Variants in RAB3C observed in about 807,000 individuals in gnomAD.
RAB3C encodes RAB3C, member RAS oncogene family.
In RAB3C, 17 loss-of-function variants were observed where a neutral mutation model predicts 26.4. That is an observed-to-expected ratio of 0.64 (90% CI 0.44 to 0.97). The LOEUF is 0.97. Among genes scored for constraint, RAB3C ranks in the 50% least tolerant of loss-of-function variants. RAB3C has a pLI of 0.00. For synonymous variants in RAB3C, 91 were observed against 95.9 expected (o/e 0.95, Z 0.30); for missense variants, 242 against 281.9 (o/e 0.86, Z 1.01).
chr5:58,806,844 AC>A (rs1260345728), intron 3 of RAB3C, among the ~76,000 whole-genome samples: 6 of 152,140 alleles, frequency 3.9e-5, no homozygotes, highest in Non-Finnish European at 8.8e-5. Flanking sequence ...CAATACTGGT[AC>A]CTTTAGCCTA....
intron 2 of RAB3C, among the ~76,000 whole-genome samples, chr5:58,694,969 C>T (rs902907585): frequency 1.3e-5 from 2 of 152,164 alleles, no homozygotes; most frequent in East Asian, 1.9e-4. Context: ...CTTTTGTCGC[C>T]GTTGCTTTCG....
intron 2 of RAB3C, among the ~76,000 whole-genome samples, chr5:58,621,159 A>T (rs997036335): frequency 6.6e-6 from 1 of 152,202 alleles, no homozygotes. Flanking sequence ...GATCCACATC[A>T]TCTTAGCCTA....
At chr5:58,768,768 G>T (rs1561124450) in intron 3 of RAB3C, among the ~76,000 whole-genome samples, 1 of 151,948 alleles carries the variant, frequency 6.6e-6, no homozygotes. Context: ...AGTAAGTAAG[G>T]GTGTAAATGT....
At chr5:58,766,898 G>T (rs1467424574) in intron 3 of RAB3C, among the ~76,000 whole-genome samples, 4 of 152,206 alleles carry the variant, frequency 2.6e-5, no homozygotes, top group Non-Finnish European at 5.9e-5. Context: ...AAACATACAG[G>T]TGAGGAGTCT....
intron 3 of RAB3C, among the ~76,000 whole-genome samples, chr5:58,782,748 A>C (rs1742298076): frequency 6.6e-6 from 1 of 152,194 alleles, no homozygotes; most frequent in Non-Finnish European, 1.5e-5. Context: ...GGTATGAATC[A>C]GTCAGCACTT....
chr5:58,761,282 T>A (rs1741792831), intron 3 of RAB3C, among the ~76,000 whole-genome samples: 1 of 152,212 alleles, frequency 6.6e-6, no homozygotes, highest in Non-Finnish European at 1.5e-5. Context: ...TGAAGATAAT[T>A]CCCTGAGAAA....
chr5:58,650,072 T>A (rs911389568), intron 2 of RAB3C, among the ~76,000 whole-genome samples: 1 of 152,248 alleles, frequency 6.6e-6, no homozygotes, highest in African/African-American at 2.4e-5. Context: ...ATTTTCAACA[T>A]CTGACCATTA....
At chr5:58,847,622 G>A (rs1042047574) in intron 4 of RAB3C, among the ~76,000 whole-genome samples, 9 of 152,152 alleles carry the variant, frequency 5.9e-5, no homozygotes, top group African/African-American at 2.2e-4. Context: ...ACACACAGTT[G>A]AGGGCATGAG....
intron 3 of RAB3C, among the ~76,000 whole-genome samples, chr5:58,738,552 G>C (rs547696428): frequency 9.7e-4 from 147 of 152,190 alleles, no homozygotes; most frequent in African/African-American, 3.4e-3. Context: ...TTTGTGTTTT[G>C]GTCAACTCAA....
chr5:58,726,157 T>C, intron 3 of RAB3C, 37 bp downstream of exon 3: 1 of 1,071,288 alleles, frequency 9.3e-7, no homozygotes, highest in Non-Finnish European at 1.4e-6. Context: ...CTGATAATGA[T>C]GGTTCTCCGG....
chr5:58,802,860 C>T (rs977890226), intron 3 of RAB3C, among the ~76,000 whole-genome samples: 1 of 152,202 alleles, frequency 6.6e-6, no homozygotes, highest in Non-Finnish European at 1.5e-5. Flanking sequence ...AGGAGATTGT[C>T]CACAAGATCA....
At chr5:58,727,955 C>T (rs1229916126) in intron 3 of RAB3C, among the ~76,000 whole-genome samples, 5 of 149,950 alleles carry the variant, frequency 3.3e-5, no homozygotes, top group African/African-American at 1.3e-4. Flanking sequence ...GCAAACTAAA[C>T]CATTCATTGT....
At chr5:58,836,754 ACAC>A (rs1284686013) in intron 4 of RAB3C, among the ~76,000 whole-genome samples, 8 of 152,198 alleles carry the variant, frequency 5.3e-5, no homozygotes, top group Non-Finnish European at 8.8e-5. Context: ...TTGTGTATAT[ACAC>A]CACATTTTTT....
chr5:58,833,275 ACATTCGAACCACCTAGGTAG>A (rs1743658250), intron 4 of RAB3C, among the ~76,000 whole-genome samples: 1 of 151,244 alleles, frequency 6.6e-6, no homozygotes, highest in Non-Finnish European at 1.5e-5. Context: ...CCCTGGCTGT[ACATTCGAACCACCTAGGTAG>A]CATTTTAAAA....
intron 3 of RAB3C, among the ~76,000 whole-genome samples, chr5:58,767,230 G>A (rs925335794): frequency 1.1e-4 from 16 of 152,198 alleles, no homozygotes; most frequent in African/African-American, 3.9e-4. Flanking sequence ...TTTCTAGTGA[G>A]TTGAAGTGAT....
intron 2 of RAB3C, among the ~76,000 whole-genome samples, chr5:58,673,473 CACACACACACACACAT>C (rs1236055979): frequency 1.9e-4 from 29 of 151,972 alleles, no homozygotes; most frequent in African/African-American, 6.0e-4. Context: ...CACACACACA[CACACACACACACACAT>C]ACAATTTTCA....
chr5:58,701,862 A>G (rs1229583344), intron 2 of RAB3C, among the ~76,000 whole-genome samples: 2 of 152,206 alleles, frequency 1.3e-5, no homozygotes, highest in African/African-American at 4.8e-5. Context: ...CCCAGAAATT[A>G]TAGGATAATC....
At chr5:58,754,740 A>G (rs1241104701) in intron 3 of RAB3C, among the ~76,000 whole-genome samples, 1 of 152,242 alleles carries the variant, frequency 6.6e-6, no homozygotes. Context: ...TTCTTGAAAT[A>G]AAGAAAACTG....
intron 4 of RAB3C, among the ~76,000 whole-genome samples, chr5:58,842,214 T>C (rs1279343148): frequency 6.6e-6 from 1 of 152,208 alleles, no homozygotes; most frequent in Non-Finnish European, 1.5e-5. Flanking sequence ...AGAGAAGTCT[T>C]ACCCTCCATC....
Sources: allele counts gnomAD v4.1 joint callset (sites outside exome capture counted in the v4.1 genomes callset), GRCh38; gene constraint gnomAD v4.1.1; transcripts MANE v1.5; gene names NCBI Gene and HGNC (gene_info 2026-07-23, HGNC 2026-07-21).